The following KCTD16 variants were observed in gnomAD, a reference collection of about 807,000 sequenced individuals.
The protein encoded by KCTD16 is potassium channel tetramerization domain containing 16.
A neutral mutation model predicts 33.2 loss-of-function variants in KCTD16; 13 were observed. That is an observed-to-expected ratio of 0.39 (90% CI 0.25 to 0.62). The LOEUF is 0.62. KCTD16 is among the 20% of genes least tolerant of loss of function. The pLI is 0.50. For missense variants in KCTD16, 441 were observed against 525.1 expected, an observed-to-expected ratio of 0.84 and a Z score of 1.57; for synonymous variants, 197 against 195.3, an observed-to-expected ratio of 1.01 and a Z score of -0.07.
At chr5:144,289,114 G>A (rs1755827637) in intron 3 of KCTD16, among the ~76,000 whole-genome samples, 1 of 152,200 alleles carries the variant, frequency 6.6e-6, no homozygotes, top group South Asian at 2.1e-4. Context: ...TTTCATTGGT[G>A]TTTTCTTCAT....
intron 3 of KCTD16, among the ~76,000 whole-genome samples, chr5:144,436,976 T>C (rs1439917366): frequency 6.6e-6 from 1 of 152,164 alleles, no homozygotes; most frequent in East Asian, 1.9e-4. Flanking sequence ...ATCAACATTC[T>C]TGGCTGTTGA....
intron 3 of KCTD16, among the ~76,000 whole-genome samples, chr5:144,225,107 T>C (rs1753889897): frequency 6.6e-6 from 1 of 152,202 alleles, no homozygotes; most frequent in Admixed American, 6.5e-5. Context: ...ATGGCAATGC[T>C]ATCTTTTTCG....
chr5:144,427,403 T>G (rs1469480091), intron 3 of KCTD16, among the ~76,000 whole-genome samples: 2 of 151,996 alleles, frequency 1.3e-5, no homozygotes, highest in Admixed American at 6.6e-5. Context: ...AGACTCAGGG[T>G]CATATACTCT....
At chr5:144,449,569 A>G (rs1284683427) in intron 3 of KCTD16, among the ~76,000 whole-genome samples, 3 of 151,984 alleles carry the variant, frequency 2.0e-5, no homozygotes, top group African/African-American at 7.2e-5. Context: ...TAAATAAAAA[A>G]CTTTATGGAA....
At chr5:144,386,809 C>T (rs974877835) in intron 3 of KCTD16, among the ~76,000 whole-genome samples, 1 of 152,156 alleles carries the variant, frequency 6.6e-6, no homozygotes, top group African/African-American at 2.4e-5. Flanking sequence ...TCCTCAAAGA[C>T]TCAGAACTAA....
Position 144,474,444 on chromosome 5 carries a change from G to T in KCTD16, c.*330G>T. On this transcript the variant is annotated 3_prime_UTR_variant, in exon 4 of 4. Coordinates refer to ENST00000512467, the MANE Select transcript of KCTD16 (RefSeq NM_020768.4). ...CCTTGGGAGTCATTTATCCCAAACT[G>T]GGTTTTTTCTCTCATCCTTCTACCT... The T allele has an allele frequency of 4.9e-6, 1 of 203,568 alleles. No individual in the cohort carries two copies. The allele number at this position is 203,568 out of a possible 1,614,324, so 12.6% of individuals were successfully genotyped here. A position where few individuals can be genotyped will look rare whatever the true frequency, so the allele number is the denominator to read the frequency against.
intron 3 of KCTD16, among the ~76,000 whole-genome samples, chr5:144,260,797 A>G (rs1471547959): frequency 1.3e-5 from 2 of 152,060 alleles, no homozygotes; most frequent in African/African-American, 4.8e-5. Context: ...TGACAGTTTT[A>G]GCAATTAATG....
In KCTD16 at chr5:144,484,642, T is replaced by A. The variant is rs1309886211; in HGVS notation, c.*10528T>A. 1 of 151,976 alleles carries A rather than the reference T, an allele frequency of 6.6e-6. No homozygotes were observed. Among genetic ancestry groups the A allele is most frequent in the African/African-American group, 2.4e-5 (1 of 41,424 alleles). 9.4% of individuals were successfully genotyped at this position (151,976 alleles called of 1,614,324 possible). A position where few individuals can be genotyped will look rare whatever the true frequency, so the allele number is the denominator to read the frequency against. On this transcript the variant is annotated 3_prime_UTR_variant, in exon 4 of 4. Transcript: ENST00000512467. ...TGACATCTGTTTCTGATGCTGTGAA[T>A]GTGATGTCACCACAAATAGAGGATT...
chr5:144,442,475 TTCTG>T (rs1753734522), intron 3 of KCTD16, among the ~76,000 whole-genome samples: 1 of 151,768 alleles, frequency 6.6e-6, no homozygotes, highest in Non-Finnish European at 1.5e-5. Context: ...CTTTCTTTCT[TTCTG>T]TCGTTCTTTC....
At chr5:144,306,379 T>C (rs1751604254) in intron 3 of KCTD16, among the ~76,000 whole-genome samples, 1 of 152,156 alleles carries the variant, frequency 6.6e-6, no homozygotes, top group Non-Finnish European at 1.5e-5. Context: ...CTGTGAAACC[T>C]CCCTTCCCCA....
At chr5:144,235,823 T>G (rs1318941087) in intron 3 of KCTD16, among the ~76,000 whole-genome samples, 1 of 152,116 alleles carries the variant, frequency 6.6e-6, no homozygotes, top group Non-Finnish European at 1.5e-5. Context: ...TAACTGATTC[T>G]TGCTTTAAAG....
chr5:144,406,719 A>G (rs1752816435), intron 3 of KCTD16, among the ~76,000 whole-genome samples: 1 of 152,238 alleles, frequency 6.6e-6, no homozygotes, highest in Non-Finnish European at 1.5e-5. Flanking sequence ...GTATGGTGTG[A>G]TGGAAGACAG....
intron 3 of KCTD16, among the ~76,000 whole-genome samples, chr5:144,368,901 G>C (rs1423444033): frequency 3.3e-5 from 5 of 152,142 alleles, no homozygotes; most frequent in Admixed American, 2.6e-4. Context: ...CAAAATAATA[G>C]AGTTTAGTAA....
At chr5:144,312,150 T>C (rs1282491975) in intron 3 of KCTD16, among the ~76,000 whole-genome samples, 4 of 152,166 alleles carry the variant, frequency 2.6e-5, no homozygotes, top group African/African-American at 7.2e-5. Flanking sequence ...TGCTCCGAAT[T>C]ATCCCAAATC....
At chr5:144,307,324 G>T (rs1282979495) in intron 3 of KCTD16, among the ~76,000 whole-genome samples, 1 of 152,076 alleles carries the variant, frequency 6.6e-6, no homozygotes, top group African/African-American at 2.4e-5. Flanking sequence ...CAGTGGCCTC[G>T]CTCACAGCAG....
At chr5:144,231,107 T>G (rs954372432) in intron 3 of KCTD16, among the ~76,000 whole-genome samples, 1 of 152,128 alleles carries the variant, frequency 6.6e-6, no homozygotes, top group Non-Finnish European at 1.5e-5. Context: ...CCACAGAACA[T>G]TCTCCTTAGT....
chr5:144,308,096 T>C (rs572511376), intron 3 of KCTD16, among the ~76,000 whole-genome samples: 40 of 152,316 alleles, frequency 2.6e-4, no homozygotes, highest in Non-Finnish European at 2.9e-5. Flanking sequence ...AAGGAAATAA[T>C]ATAAGATATG....
At chr5:144,328,184 A>G (rs1387884995) in intron 3 of KCTD16, among the ~76,000 whole-genome samples, 3 of 152,200 alleles carry the variant, frequency 2.0e-5, no homozygotes, top group Admixed American at 1.3e-4. Context: ...GAAATAAAGA[A>G]TGAAAAGTTC....
At position 144,271,226 on chromosome 5, in the gene KCTD16, C is replaced by T. The variant is rs77389986; in HGVS notation, c.832+63680C>T. Among the ~76,000 whole-genome samples, 3 of 151,942 alleles carry T rather than the reference C, an allele frequency of 2.0e-5. No individual in the cohort carries two copies. In the East Asian group the frequency reaches 5.8e-4, roughly 29 times the overall value. On this transcript the variant is annotated intron_variant, in intron 3 of 3. Transcript: ENST00000512467. ...CAAAAATACTTCAAAGAAGTATAGA[C>T]TAATATCCTTTATGAAAATTGATGC...
Sources: gnomAD v4.1 joint callset for allele counts (sites outside exome capture counted in the v4.1 genomes callset) on GRCh38, gnomAD v4.1.1 for gene constraint, MANE v1.5 for transcripts, NCBI Gene and HGNC (gene_info 2026-07-23, HGNC 2026-07-21) for gene names.